KLC1: variants seen among roughly 807,000 people sequenced by gnomAD.
The protein encoded by KLC1 is kinesin 2 60/70kDa.
KLC1 carries 30 observed loss-of-function variants against 84.2 expected under a neutral mutation model. The observed-to-expected ratio is 0.36, with a 90% CI of 0.27 to 0.48. The LOEUF (loss-of-function observed/expected upper bound fraction) is 0.48. Ranked by LOEUF, KLC1 falls within the 20% of genes least tolerant of loss-of-function variation. The pLI is 0.99. For synonymous variants in KLC1, 289 were observed against 293.3 expected (o/e 0.99, Z 0.15); for missense variants, 499 against 805.4 (o/e 0.62, Z 4.60).
intron 1 of KLC1, among the ~76,000 whole-genome samples, chr14:103,645,904 C>T (rs556434571): frequency 1.3e-5 from 2 of 151,924 alleles, no homozygotes; most frequent in African/African-American, 4.8e-5. Flanking sequence ...ACTACAGGCA[C>T]CCGCCACCAT....
intron 9 of KLC1, among the ~76,000 whole-genome samples, chr14:103,674,688 T>G (rs1262415136): frequency 6.6e-6 from 1 of 152,196 alleles, no homozygotes; most frequent in Non-Finnish European, 1.5e-5. Flanking sequence ...GTGCTGGGAT[T>G]ACAGGTGTGA....
chr14:103,631,836 C>T (rs769817288), intron 1 of KLC1, among the ~76,000 whole-genome samples: 3 of 150,814 alleles, frequency 2.0e-5, no homozygotes, highest in African/African-American at 7.3e-5. Flanking sequence ...TGACCTCAGG[C>T]GATCCACCCG....
chr14:103,685,673 A>C, intron 13 of KLC1: 1 of 1,289,448 alleles, frequency 7.8e-7, no homozygotes, highest in Non-Finnish European at 1.0e-6. Flanking sequence ...TGTCTCCTGC[A>C]TGACGGGTGG....
Position 103,690,030 on chromosome 14 carries a change from A to G in KLC1, c.1782-2329A>G, listed in dbSNP as rs547671306. On this transcript the variant is annotated intron_variant, in intron 14 of 16. Transcript: ENST00000334553. ...CCCCGTCTCTACTAAAAATACAAAAATTAGCCGGGCCAGGTGGTGCATGCC... is the reference window on the plus strand; with the variant it reads ...CCCCGTCTCTACTAAAAATACAAAAGTTAGCCGGGCCAGGTGGTGCATGCC... 9.6e-4 allele frequency among the ~76,000 whole-genome samples: 146 copies of G among 152,148 alleles called. 3 individuals carry two copies. In the East Asian group the frequency reaches 0.021, roughly 22 times the overall value.
At chr14:103,663,265 A>G (rs2079447504) in intron 5 of KLC1, among the ~76,000 whole-genome samples, 1 of 151,940 alleles carries the variant, frequency 6.6e-6, no homozygotes, top group African/African-American at 2.4e-5. Flanking sequence ...TATTTTTAGT[A>G]AAGACGGGGT....
intron 15 of KLC1, chr14:103,697,853 G>C (rs1177136370): frequency 6.6e-6 from 1 of 151,970 alleles, no homozygotes; most frequent in African/African-American, 2.4e-5. Flanking sequence ...GTGTGGGACT[G>C]GGTCTGCACA....
At chr14:103,658,904 G>T (rs1157160218) in intron 3 of KLC1, among the ~76,000 whole-genome samples, 1 of 151,568 alleles carries the variant, frequency 6.6e-6, no homozygotes, top group Non-Finnish European at 1.5e-5. Flanking sequence ...TGATCTGCCT[G>T]CCTCGGCCTC....
intron 5 of KLC1, among the ~76,000 whole-genome samples, chr14:103,667,126 T>A (rs2079928845): frequency 2.0e-5 from 3 of 151,562 alleles, no homozygotes; most frequent in Non-Finnish European, 4.4e-5. Flanking sequence ...ATTTTATTTT[T>A]TTTACACGGA....
chr14:103,697,121 T>TA, intron 15 of KLC1: 1 of 985,342 alleles, frequency 1.0e-6, no homozygotes, highest in Non-Finnish European at 1.2e-6. Context: ...TATGTTCAAT[T>TA]ACAGAAATAA....
At chr14:103,638,656 A>ATTTTT (rs57470429) in intron 1 of KLC1, among the ~76,000 whole-genome samples, 2 of 100,126 alleles carry the variant, frequency 2.0e-5, no homozygotes, top group African/African-American at 7.5e-5. Flanking sequence ...CATTTCATTA[A>ATTTTT]TTTTTTTTTT....
intron 1 of KLC1, among the ~76,000 whole-genome samples, chr14:103,640,516 A>T (rs1331265313): frequency 6.6e-6 from 1 of 151,640 alleles, no homozygotes; most frequent in Non-Finnish European, 1.5e-5. Flanking sequence ...GCCCGCCACC[A>T]CGCCTGGCTA....
intron 6 of KLC1, among the ~76,000 whole-genome samples, chr14:103,669,809 C>T (rs1294385043): frequency 7.2e-5 from 11 of 152,134 alleles, no homozygotes; most frequent in African/African-American, 2.7e-4. Flanking sequence ...AATGGATCAC[C>T]AACTGTATTG....
chr14:103,696,184 C>G (rs1265327648), intron 15 of KLC1: 2 of 978,948 alleles, frequency 2.0e-6, no homozygotes, highest in Non-Finnish European at 2.4e-6. Flanking sequence ...TGTGGGCGGA[C>G]AGCATATCTC....
At chr14:103,685,080 T>C in intron 13 of KLC1, 1 of 1,541,236 alleles carries the variant, frequency 6.5e-7, no homozygotes, top group South Asian at 1.2e-5. Flanking sequence ...GTCTGGCGCT[T>C]CTGTCGAGAC....
intron 1 of KLC1, among the ~76,000 whole-genome samples, chr14:103,639,172 CT>C (rs1252442198): frequency 2.5e-4 from 38 of 151,990 alleles, no homozygotes; most frequent in Non-Finnish European, 5.9e-5. Flanking sequence ...TTCTTCTTTC[CT>C]TTTTTTTGAG....
chr14:103,693,320 A>C lies in KLC1; in HGVS notation c.1848+895A>C, dbSNP rs1392159716. On this transcript the variant is annotated intron_variant, in intron 15 of 16. Coordinates refer to ENST00000334553, the MANE Select transcript of KLC1 (RefSeq NM_001394837.1). This position sits in a 1 kb window ranked among gnomAD's most constrained non-coding sequence, Gnocchi z 5.1. The stretch of plus-strand genomic sequence containing the variant: ...GGGTGCTGGACATGTTGCTTGAAGC[A>C]CCCCTAATGACAAGAGGAAAGAAAG... Among the ~76,000 whole-genome samples, 1 of 150,460 alleles carries C rather than the reference A, an allele frequency of 6.6e-6. No homozygotes were observed. The highest frequency in any genetic ancestry group is 2.1e-4 in the South Asian group (1 of 4,726).
At chr14:103,674,364 C>T (rs907871494) in intron 9 of KLC1, among the ~76,000 whole-genome samples, 2 of 151,538 alleles carry the variant, frequency 1.3e-5, no homozygotes, top group Admixed American at 1.3e-4. Context: ...TAGAAACTTG[C>T]GTGAGTGTTC....
At chr14:103,686,518 CATTTT>C (rs1316571969) in intron 13 of KLC1, 1 of 152,256 alleles carries the variant, frequency 6.6e-6, no homozygotes, top group East Asian at 1.9e-4. Flanking sequence ...ATAGAATGGG[CATTTT>C]ATTTAATTTT....
Position 103,692,410 on chromosome 14 carries a change from T to C in KLC1, c.1833T>C (p.Ala611=), listed in dbSNP as rs1595577184. 1.3e-6 allele frequency: 2 copies of C among 1,536,654 alleles called. No homozygotes were observed. Among genetic ancestry groups the C allele is most frequent in the East Asian group, 4.9e-5 (2 of 40,920 alleles). ...LNVLNVGGKA[A]EDRFQGVSGR... ...TCCTTAACGTGGGTGGCAAGGCTGC[T>C]GAAGATCGCTTTCAAGTAAGGAGCC... The change falls in exon 15 of 17, where the codon GCT becomes GCC. Residue 611 remains alanine, a synonymous_variant. Transcript: ENST00000334553.
Sources: gnomAD v4.1 joint callset for allele counts (sites outside exome capture counted in the v4.1 genomes callset) on GRCh38, gnomAD v4.1.1 for gene constraint, Gnocchi (gnomAD v3.1) non-coding constraint, MANE v1.5 for transcripts, NCBI Gene and HGNC (gene_info 2026-07-23, HGNC 2026-07-21) for gene names.